Variants in SATB1 observed in about 807,000 individuals in gnomAD.
SATB1 encodes the protein DNA-binding protein SATB1.
Under a neutral mutation model 86.9 loss-of-function variants are expected in SATB1, and 11 were observed. The ratio of observed to expected loss-of-function variants is 0.13; its 90% CI spans 0.08 to 0.21. The LOEUF (loss-of-function observed/expected upper bound fraction) is 0.21. Ranked by LOEUF, SATB1 falls within the 10% of genes least tolerant of loss-of-function variation. The probability of loss-of-function intolerance (pLI) is 1.00; values close to 1 mark genes in which losing one functional copy is unlikely to be tolerated. For missense variants in SATB1, 551 were observed against 937.6 expected (o/e 0.59, Z 5.39); for synonymous variants, 357 against 357.2 (o/e 1.00, Z 0.01).
chr3:18,428,920 C>T (rs2125191877), upstream of SATB1, among the ~76,000 whole-genome samples: 1 of 152,330 alleles, frequency 6.6e-6, no homozygotes, highest in South Asian at 2.1e-4. Context: ...AATTCGAGTG[C>T]TTTTAAGATA....
At chr3:18,407,309 C>T (rs1489602425) in intron 5 of SATB1, among the ~76,000 whole-genome samples, 1 of 151,930 alleles carries the variant, frequency 6.6e-6, no homozygotes, top group Non-Finnish European at 1.5e-5. Flanking sequence ...TGTAAGTGTT[C>T]CTTAATGTTG....
At chr3:18,430,803 T>G (rs1698864013) in intron 2 of SATB1, among the ~76,000 whole-genome samples, 1 of 152,236 alleles carries the variant, frequency 6.6e-6, no homozygotes, top group African/African-American at 2.4e-5. Context: ...GTTATTTCCC[T>G]AATTACTTGG....
intron 9 of SATB1, among the ~76,000 whole-genome samples, chr3:18,356,294 GTGCAAATGTCT>G (rs1233375080): frequency 6.6e-6 from 1 of 151,718 alleles, no homozygotes; most frequent in African/African-American, 2.4e-5. Flanking sequence ...CAAGAACCAT[GTGCAAATGTCT>G]TGCTACCGTA....
rs117146764 is a variant in SATB1 at position 18,408,607 on chromosome 3, C to T, written c.639+6504G>A. The stretch of plus-strand genomic sequence containing the variant: ...TCTTATGTTTTTCATACTCAGAGCA[C>T]GTTATAATCAAGCAGTTTCCAATGA... On this transcript the variant is annotated intron_variant, in intron 5 of 10. Transcript: ENST00000338745. The T allele has an allele frequency of 1.5e-4, 22 of 151,474 alleles. No individual in the cohort carries two copies. The East Asian group carries it at 1.8e-3, about 12-fold the overall frequency. The allele number at this position is 151,474 out of a possible 1,614,324, so 9.4% of individuals were successfully genotyped here. A position where few individuals can be genotyped will look rare whatever the true frequency, so the allele number is the denominator to read the frequency against.
intron 4 of SATB1, among the ~76,000 whole-genome samples, chr3:18,415,643 C>CT (rs1216975690): frequency 6.6e-6 from 1 of 152,006 alleles, no homozygotes; most frequent in Non-Finnish European, 1.5e-5. Flanking sequence ...ATAAGACAGT[C>CT]TTTCACAAAA....
At chr3:18,429,736 A>T (rs1411246235), upstream of SATB1, among the ~76,000 whole-genome samples, 4 of 152,192 alleles carry the variant, frequency 2.6e-5, no homozygotes, top group African/African-American at 9.7e-5. This position sits in a 1 kb window ranked among gnomAD's most constrained non-coding sequence, Gnocchi z 4.1. Flanking sequence ...ACCCTCACAG[A>T]ATCTTGTATT....
intron 5 of SATB1, among the ~76,000 whole-genome samples, chr3:18,412,391 CCT>C (rs1198556141): frequency 2.6e-5 from 4 of 152,142 alleles, no homozygotes; most frequent in African/African-American, 9.6e-5. Flanking sequence ...CCTCCTGGCC[CCT>C]GCTCTATAAA....
chr3:18,362,860 CAAAA>C (rs35470564), intron 9 of SATB1, among the ~76,000 whole-genome samples: 465 of 32,322 alleles, frequency 0.014, 8 homozygotes, highest in African/African-American at 0.045. Flanking sequence ...ATGCCATGTG[CAAAA>C]AAAAAAAAAA....
chr3:18,378,911 A>G (rs1559415140), intron 8 of SATB1, among the ~76,000 whole-genome samples: 6 of 152,050 alleles, frequency 3.9e-5, no homozygotes, highest in Admixed American at 6.5e-5. Context: ...CTTAATTATC[A>G]TAAAGGCTGG....
upstream of SATB1, among the ~76,000 whole-genome samples, chr3:18,427,317 G>A (rs758099101): frequency 6.6e-6 from 1 of 152,138 alleles, no homozygotes; most frequent in Non-Finnish European, 1.5e-5. Flanking sequence ...AGTAGGGACT[G>A]TGCACTCTAG....
intron 9 of SATB1, among the ~76,000 whole-genome samples, chr3:18,367,449 T>A (rs555917887): frequency 1.3e-5 from 2 of 152,186 alleles, no homozygotes; most frequent in African/African-American, 2.4e-5. Context: ...AGAATAGCAA[T>A]TGCAGAGTGA....
intron 9 of SATB1, among the ~76,000 whole-genome samples, chr3:18,377,314 A>G (rs1181156348): frequency 6.6e-6 from 1 of 152,158 alleles, no homozygotes; most frequent in East Asian, 1.9e-4. Context: ...CTCTAATGTC[A>G]CCTTGATAGT....
chr3:18,407,418 C>G (rs759812026), intron 5 of SATB1, among the ~76,000 whole-genome samples: 34 of 151,928 alleles, frequency 2.2e-4, no homozygotes, highest in Non-Finnish European at 4.6e-4. Context: ...TTCCATGTAG[C>G]CAGAGAGTTA....
chr3:18,399,540 G>A (rs1697142532), intron 5 of SATB1, among the ~76,000 whole-genome samples: 1 of 152,136 alleles, frequency 6.6e-6, no homozygotes, highest in African/African-American at 2.4e-5. Flanking sequence ...ATGTAATAGT[G>A]CTATACAGTT....
chr3:18,358,600 A>G (rs1694765115), intron 9 of SATB1, among the ~76,000 whole-genome samples: 1 of 152,000 alleles, frequency 6.6e-6, no homozygotes, highest in Non-Finnish European at 1.5e-5. Context: ...TTTCCATTCT[A>G]AAAGTAGCAC....
intron 2 of SATB1, among the ~76,000 whole-genome samples, chr3:18,417,961 A>C (rs1698203052): frequency 1.3e-5 from 2 of 152,170 alleles, no homozygotes; most frequent in South Asian, 4.1e-4. Flanking sequence ...CCACACTACT[A>C]TTAGAAAGAG....
intron 8 of SATB1, among the ~76,000 whole-genome samples, chr3:18,383,813 A>G (rs963238736): frequency 2.6e-5 from 4 of 152,172 alleles, no homozygotes; most frequent in Non-Finnish European, 4.4e-5. Flanking sequence ...TTTTGCATTG[A>G]TAATACCTTT....
chr3:18,416,901 C>T lies in SATB1; in HGVS notation c.388+1G>A. 6.2e-7 allele frequency: 1 copy of T among 1,602,350 alleles called. No homozygotes were observed. Among genetic ancestry groups the T allele is most frequent in the Non-Finnish European group, 8.5e-7 (1 of 1,175,350 alleles). On this transcript the variant is annotated splice_donor_variant, in intron 3 of 10. Transcript: ENST00000338745. LOFTEE classifies it high-confidence loss of function. ...TCCAACCCCACGTACACATTATTTA[C>T]CTTTGGCCTGGGCAGCAGAGCTATG...
intron 2 of SATB1, among the ~76,000 whole-genome samples, chr3:18,432,657 AT>A (rs1359538805): frequency 1.3e-5 from 2 of 151,738 alleles, no homozygotes; most frequent in African/African-American, 4.9e-5. Context: ...AGCACATTGT[AT>A]TTGGGCTGAT....
Sources: gnomAD v4.1 joint callset for allele counts (sites outside exome capture counted in the v4.1 genomes callset) on GRCh38, gnomAD v4.1.1 for gene constraint, Gnocchi (gnomAD v3.1) non-coding constraint, MANE v1.5 for transcripts, NCBI Gene and HGNC (gene_info 2026-07-23, HGNC 2026-07-21) for gene names.